Variants in PARN observed in about 807,000 individuals in gnomAD.
The protein encoded by PARN is poly(A)-specific ribonuclease, also known as poly(A)-specific ribonuclease PARN.
PARN carries 71 observed loss-of-function variants against 102.8 expected under a neutral mutation model. The ratio of observed to expected loss-of-function variants is 0.69; its 90% CI spans 0.57 to 0.84. The LOEUF is 0.84. Among genes scored for constraint, PARN ranks in the 40% least tolerant of loss-of-function variants. PARN has a pLI of 0.00. For synonymous variants in PARN, 261 were observed against 252.9 expected, an observed-to-expected ratio of 1.03 and a Z score of -0.30; for missense variants, 782 against 760.9, an observed-to-expected ratio of 1.03 and a Z score of -0.33.
chr16:14,546,935 A>T (rs1456085487), intron 21 of PARN, among the ~76,000 whole-genome samples: 2 of 152,006 alleles, frequency 1.3e-5, no homozygotes, highest in Non-Finnish European at 2.9e-5. Context: ...TCTACTAAAA[A>T]TACAAAAATT....
At position 14,446,988 on chromosome 16, in the gene PARN, G is replaced by T; in HGVS notation, c.1764C>A (p.Asp588Glu). 1 of 1,613,622 alleles carries T rather than the reference G, an allele frequency of 6.2e-7. No individual in the cohort carries two copies. Among genetic ancestry groups the T allele is most frequent in the Non-Finnish European group, 8.5e-7 (1 of 1,179,580 alleles). The change falls in exon 23 of 24, where the codon GAC (aspartate) becomes GAA (glutamate). Residue 588 changes from aspartate (D) to glutamate (E), a missense_variant. Physicochemically the swap from Asp to Glu is conservative, Grantham distance 45 (BLOSUM62 2). Coordinates refer to ENST00000437198, the MANE Select transcript of PARN (RefSeq NM_002582.4). ...LEDGVSGEIS[D>E]TELEQTDSCA... ...AGGAATCGGTCTGCTCAAGCTCAGT[G>T]TCGGAAATCTCCCCTGACACTCCGT...
intron 22 of PARN, among the ~76,000 whole-genome samples, chr16:14,447,938 TTATC>T (rs10539138): frequency 0.37 from 54,234 of 147,718 alleles, 9,998 homozygotes; most frequent in Middle Eastern, 0.42. Context: ...CTTTTAAATT[TTATC>T]TATCTATCTA....
At chr16:14,479,920 CAAA>C (rs58833234) in intron 22 of PARN, among the ~76,000 whole-genome samples, 5 of 102,836 alleles carry the variant, frequency 4.9e-5, no homozygotes, top group Non-Finnish European at 2.2e-5. Context: ...AACCTTCTAC[CAAA>C]AAAAAAAAAA....
At chr16:14,454,857 G>A (rs953002525) in intron 22 of PARN, among the ~76,000 whole-genome samples, 3 of 152,180 alleles carry the variant, frequency 2.0e-5, no homozygotes, top group Non-Finnish European at 4.4e-5. Context: ...TCACTTTTAT[G>A]TGATACACTT....
intron 18 of PARN, among the ~76,000 whole-genome samples, chr16:14,573,771 C>A (rs1009775224): frequency 2.0e-5 from 3 of 152,188 alleles, no homozygotes; most frequent in African/African-American, 7.2e-5. Context: ...GTTCCCTGCA[C>A]AAGCTCTCTT....
chr16:14,531,134 T>TG (rs1966304564), intron 21 of PARN, among the ~76,000 whole-genome samples: 1 of 152,090 alleles, frequency 6.6e-6, no homozygotes, highest in African/African-American at 2.4e-5. Context: ...GCAGATCACT[T>TG]GGAGTTTGAG....
Position 14,436,432 on chromosome 16 carries a change from A to G in PARN, c.*285T>C, listed in dbSNP as rs1011109804. 3 of 477,472 alleles carry G rather than the reference A, an allele frequency of 6.3e-6. No homozygotes were observed. The highest frequency in any genetic ancestry group is 3.9e-5 in the African/African-American group (2 of 51,468). 29.6% of individuals were successfully genotyped at this position (477,472 alleles called of 1,614,324 possible). ...CTTAAGCACACTGGGTCATGACAGGAAAGGCCTCACAAGAGCAACACGGAA... is the reference window on the plus strand; with the variant it reads ...CTTAAGCACACTGGGTCATGACAGGGAAGGCCTCACAAGAGCAACACGGAA... On this transcript the variant is annotated 3_prime_UTR_variant, in exon 24 of 24. Coordinates refer to ENST00000437198, the MANE Select transcript of PARN (RefSeq NM_002582.4).
chr16:14,468,914 G>C (rs1378647230), intron 22 of PARN, among the ~76,000 whole-genome samples: 1 of 134,634 alleles, frequency 7.4e-6, no homozygotes, highest in Non-Finnish European at 1.7e-5. Context: ...TAGATAGATA[G>C]ATAGATAGAT....
At chr16:14,515,050 T>C (rs997614369) in intron 21 of PARN, among the ~76,000 whole-genome samples, 6 of 152,242 alleles carry the variant, frequency 3.9e-5, no homozygotes, top group South Asian at 2.1e-4. Flanking sequence ...CTGTTCCTTA[T>C]TGTTCCCTCA....
At chr16:14,605,537 G>C (rs1274372040) in intron 10 of PARN, among the ~76,000 whole-genome samples, 1 of 151,254 alleles carries the variant, frequency 6.6e-6, no homozygotes, top group African/African-American at 2.4e-5. Flanking sequence ...TATATATGTT[G>C]TATTACCATA....
intron 5 of PARN, among the ~76,000 whole-genome samples, chr16:14,621,067 C>T (rs1972265636): frequency 6.6e-6 from 1 of 152,130 alleles, no homozygotes; most frequent in African/African-American, 2.4e-5. Flanking sequence ...GAAGCACATG[C>T]AAATCACTTC....
At chr16:14,579,911 C>T (rs1010823473) in intron 18 of PARN, among the ~76,000 whole-genome samples, 20 of 151,052 alleles carry the variant, frequency 1.3e-4, no homozygotes, top group Admixed American at 1.3e-4. Flanking sequence ...AGGAGGCAGA[C>T]ATTGCCGTGA....
chr16:14,606,931 G>A (rs556949654), intron 9 of PARN, among the ~76,000 whole-genome samples: 2 of 151,996 alleles, frequency 1.3e-5, no homozygotes, highest in Admixed American at 1.3e-4. Context: ...ATAGGCACCT[G>A]CCACCACACC....
intron 18 of PARN, among the ~76,000 whole-genome samples, chr16:14,556,271 G>A (rs1347140774): frequency 2.6e-5 from 4 of 152,090 alleles, no homozygotes; most frequent in East Asian, 1.9e-4. Context: ...CGATTCACCC[G>A]CCTCAGCCTC....
intron 23 of PARN, among the ~76,000 whole-genome samples, chr16:14,442,702 C>T (rs1034664590): frequency 9.9e-5 from 15 of 152,082 alleles, no homozygotes; most frequent in Admixed American, 9.8e-4. Flanking sequence ...ACTGCAACCT[C>T]AGCCTCCTGG....
intron 18 of PARN, among the ~76,000 whole-genome samples, chr16:14,562,475 CAT>C (rs1397800861): frequency 7.6e-6 from 1 of 131,534 alleles, no homozygotes; most frequent in Non-Finnish European, 1.7e-5. Flanking sequence ...AAAAGAAAAA[CAT>C]AAAACTATTA....
intron 12 of PARN, 61 bp downstream of exon 12, chr16:14,599,843 T>C (rs1970766410): frequency 1.0e-6 from 1 of 973,484 alleles, no homozygotes; most frequent in African/African-American, 1.6e-5. Context: ...GCAATGATAA[T>C]TAGATACTTC....
chr16:14,517,175 T>C (rs1355985994), intron 21 of PARN, among the ~76,000 whole-genome samples: 1 of 152,230 alleles, frequency 6.6e-6, no homozygotes, highest in Non-Finnish European at 1.5e-5. Flanking sequence ...ACTTTTCTGC[T>C]CCTGCCATCA....
intron 21 of PARN, among the ~76,000 whole-genome samples, chr16:14,532,006 T>C (rs1966363101): frequency 1.3e-5 from 2 of 151,966 alleles, no homozygotes; most frequent in African/African-American, 2.4e-5. Context: ...GAGGCTGCAG[T>C]GAGCTATGAT....
Sources: allele counts gnomAD v4.1 joint callset (sites outside exome capture counted in the v4.1 genomes callset), GRCh38; gene constraint gnomAD v4.1.1; transcripts MANE v1.5; gene names NCBI Gene and HGNC (gene_info 2026-07-23, HGNC 2026-07-21).